PTPRN2: variants seen among roughly 807,000 people sequenced by gnomAD.
The protein encoded by PTPRN2 is protein tyrosine phosphatase receptor type N2, also known as receptor-type tyrosine-protein phosphatase N2.
Under a neutral mutation model 118.8 loss-of-function variants are expected in PTPRN2, and 74 were observed. The ratio of observed to expected loss-of-function variants is 0.62; its 90% CI spans 0.52 to 0.76. The LOEUF is 0.76. PTPRN2 is among the 30% of genes least tolerant of loss of function. The probability of loss-of-function intolerance (pLI) is 0.00; values close to 1 mark genes in which losing one functional copy is unlikely to be tolerated. For missense variants in PTPRN2, 1,481 were observed against 1,394.4 expected, an observed-to-expected ratio of 1.06 and a Z score of -0.99; for synonymous variants, 641 against 608.0, an observed-to-expected ratio of 1.05 and a Z score of -0.80.
rs550602358 is a variant in PTPRN2, at chr7:157,742,812, T to C, written c.1789-59875A>G. Among the ~76,000 whole-genome samples, 53 of 152,364 alleles carry C rather than the reference T, an allele frequency of 3.5e-4. No homozygotes were observed. In the South Asian group the frequency reaches 6.2e-3, roughly 18 times the overall value. ...GCAGAAAGACACAGTCTCAGTGAGA[T>C]GATACCAACTTGGAGCTTAGTTTCT... On this transcript the variant is annotated intron_variant, in intron 12 of 22. Transcript: ENST00000389418.
chr7:157,684,001 A>T (rs914213302), intron 12 of PTPRN2, among the ~76,000 whole-genome samples: 2 of 152,124 alleles, frequency 1.3e-5, no homozygotes, highest in East Asian at 3.9e-4. Context: ...CCTATTCATT[A>T]TCTCTCTTCT....
chr7:157,751,576 C>G (rs1333910828), intron 12 of PTPRN2, among the ~76,000 whole-genome samples: 6 of 152,022 alleles, frequency 3.9e-5, no homozygotes, highest in Non-Finnish European at 7.4e-5. Context: ...GAAGGTGAAG[C>G]TTGGCTGTTG....
At chr7:158,084,936 G>A (rs1346350576) in intron 10 of PTPRN2, among the ~76,000 whole-genome samples, 11 of 110,786 alleles carry the variant, frequency 9.9e-5, no homozygotes, top group Non-Finnish European at 1.6e-4. Context: ...CCACACCCTC[G>A]ACGCCCATCC....
chr7:158,419,256 A>G (rs1325358944), intron 2 of PTPRN2, among the ~76,000 whole-genome samples: 1 of 152,238 alleles, frequency 6.6e-6, no homozygotes, highest in African/African-American at 2.4e-5. Context: ...CCCAGATGCT[A>G]TCTCAAAGCT....
At chr7:158,268,680 A>C (rs868782002) in intron 3 of PTPRN2, among the ~76,000 whole-genome samples, 6 of 137,808 alleles carry the variant, frequency 4.4e-5, no homozygotes, top group Middle Eastern at 4.6e-3. Flanking sequence ...AGCCGTGTGC[A>C]CACAGAGAGG....
chr7:158,164,678 T>C (rs1822765787), intron 6 of PTPRN2, among the ~76,000 whole-genome samples: 2 of 152,036 alleles, frequency 1.3e-5, no homozygotes, highest in African/African-American at 4.8e-5. Flanking sequence ...CTGTTCCCAA[T>C]AATGAGGACA....
intron 3 of PTPRN2, among the ~76,000 whole-genome samples, chr7:158,281,637 C>T (rs1323239471): frequency 2.6e-5 from 4 of 152,174 alleles, no homozygotes; most frequent in Admixed American, 6.5e-5. Flanking sequence ...CCTCCTGCCA[C>T]GTCCCGTGCA....
In PTPRN2 at chr7:157,568,349, G is replaced by T. The variant is rs747678512; in HGVS notation, c.2902+553C>A. ...CTGAGAGGAACGCCTCCCACAGCAC[G>T]CACAGAGATTCCCTAGATAAGAAGG... On this transcript the variant is annotated intron_variant, in intron 21 of 22. Coordinates refer to ENST00000389418, the MANE Select transcript of PTPRN2 (RefSeq NM_002847.5). Among the ~76,000 whole-genome samples the T allele has an allele frequency of 1.1e-3, 162 of 152,308 alleles. 1 individual carries two copies. The highest frequency in any genetic ancestry group is 1.7e-3 in the Non-Finnish European group (115 of 68,030).
chr7:158,317,184 C>A (rs575738084), intron 2 of PTPRN2, among the ~76,000 whole-genome samples: 1 of 152,318 alleles, frequency 6.6e-6, no homozygotes, highest in South Asian at 2.1e-4. Flanking sequence ...TGTTGTCACT[C>A]CACTTTCCTC....
At chr7:158,472,177 G>A (rs1250160721) in intron 2 of PTPRN2, among the ~76,000 whole-genome samples, 1 of 152,184 alleles carries the variant, frequency 6.6e-6, no homozygotes, top group Non-Finnish European at 1.5e-5. Context: ...CAAAGTCACC[G>A]TGGGTCCCAG....
chr7:158,239,403 T>C (rs1242140345), intron 3 of PTPRN2, among the ~76,000 whole-genome samples: 1 of 152,156 alleles, frequency 6.6e-6, no homozygotes, highest in Non-Finnish European at 1.5e-5. Flanking sequence ...TGGGGCGCTT[T>C]GTTTCAGTCC....
At chr7:157,846,428 G>A (rs1808805454) in intron 12 of PTPRN2, among the ~76,000 whole-genome samples, 1 of 148,580 alleles carries the variant, frequency 6.7e-6, no homozygotes, top group African/African-American at 2.5e-5. Flanking sequence ...AAAATGCAAA[G>A]CTCTGAACCA....
chr7:157,586,309 G>A (rs1416919144), intron 17 of PTPRN2, among the ~76,000 whole-genome samples: 2 of 152,012 alleles, frequency 1.3e-5, no homozygotes, highest in African/African-American at 2.4e-5. Flanking sequence ...ATTTCCCCCC[G>A]CTAACCTCCT....
chr7:158,468,754 A>G (rs918174250), intron 2 of PTPRN2, among the ~76,000 whole-genome samples: 1 of 151,704 alleles, frequency 6.6e-6, no homozygotes, highest in Non-Finnish European at 1.5e-5. Flanking sequence ...TATTGTGCAT[A>G]CAGGCATGCA....
At chr7:158,500,162 C>G (rs898689648) in intron 1 of PTPRN2, among the ~76,000 whole-genome samples, 2 of 152,128 alleles carry the variant, frequency 1.3e-5, no homozygotes, top group African/African-American at 4.8e-5. Context: ...TGAGAGGAAT[C>G]TGCACTTACA....
chr7:158,252,228 C>G (rs547782113), intron 3 of PTPRN2, among the ~76,000 whole-genome samples: 1 of 152,168 alleles, frequency 6.6e-6, no homozygotes, highest in Non-Finnish European at 1.5e-5. Context: ...AACTCTGCCT[C>G]GTCCCCATCA....
In PTPRN2 at chr7:157,794,055, A is replaced by G. The variant is rs1331236885; in HGVS notation, c.1788+104618T>C. Among the ~76,000 whole-genome samples, 1 of 152,008 alleles carries G rather than the reference A, an allele frequency of 6.6e-6. No individual in the cohort carries two copies. Among genetic ancestry groups the G allele is most frequent in the Non-Finnish European group, 1.5e-5 (1 of 67,992 alleles). The stretch of plus-strand genomic sequence containing the variant: ...CAGCACACCTCGAGGGGCCCAGGAC[A>G]AGCTCGGGGCCCAGGTGGCCGGGAG... On this transcript the variant is annotated intron_variant, in intron 12 of 22. Transcript: ENST00000389418. The surrounding 1 kb of genome is among the most constrained non-coding windows in gnomAD (Gnocchi z 5.2).
intron 3 of PTPRN2, among the ~76,000 whole-genome samples, chr7:158,252,728 C>G (rs1796765938): frequency 6.6e-6 from 1 of 152,162 alleles, no homozygotes. Flanking sequence ...TAGATCGAGT[C>G]CAAGCAGCAA....
intron 11 of PTPRN2, among the ~76,000 whole-genome samples, chr7:158,007,842 T>G (rs1261484948): frequency 1.5e-5 from 2 of 136,768 alleles, no homozygotes; most frequent in South Asian, 2.4e-4. Flanking sequence ...GGTGTGTGGG[T>G]GTGTGTGTGC....
Sources: gnomAD v4.1 joint callset for allele counts (sites outside exome capture counted in the v4.1 genomes callset) on GRCh38, gnomAD v4.1.1 for gene constraint, Gnocchi (gnomAD v3.1) non-coding constraint, MANE v1.5 for transcripts, NCBI Gene and HGNC (gene_info 2026-07-23, HGNC 2026-07-21) for gene names.